Variants in TFB1M observed in about 807,000 individuals in gnomAD.
The protein encoded by TFB1M is transcription factor B1, mitochondrial, also known as dimethyladenosine transferase 1, mitochondrial.
Under a neutral mutation model 31.1 loss-of-function variants are expected in TFB1M, and 27 were observed. That is an observed-to-expected ratio of 0.87 (90% CI 0.64 to 1.20). TFB1M has a LOEUF of 1.20. Among genes scored for constraint, TFB1M ranks in the 50% most tolerant of loss-of-function variants. TFB1M has a pLI of 0.00. For synonymous variants in TFB1M, 166 were observed against 151.8 expected, an observed-to-expected ratio of 1.09 and a Z score of -0.69; for missense variants, 394 against 418.7, an observed-to-expected ratio of 0.94 and a Z score of 0.51.
intron 5 of TFB1M, among the ~76,000 whole-genome samples, chr6:155,265,727 TAA>T (rs1784601923): frequency 2.7e-5 from 4 of 145,684 alleles, no homozygotes; most frequent in Admixed American, 6.9e-5. Flanking sequence ...ATATATAATA[TAA>T]ATATATATTA....
intron 4 of TFB1M, among the ~76,000 whole-genome samples, chr6:155,289,573 T>C (rs1776810085): frequency 6.6e-6 from 1 of 152,218 alleles, no homozygotes; most frequent in Admixed American, 6.5e-5. Flanking sequence ...CCTGTAGTGC[T>C]AGAGACAGGA....
At chr6:155,277,204 T>C (rs1439395704) in intron 5 of TFB1M, among the ~76,000 whole-genome samples, 1 of 152,244 alleles carries the variant, frequency 6.6e-6, no homozygotes, top group Non-Finnish European at 1.5e-5. Context: ...TTTACTACCA[T>C]CCCACTTCCT....
In TFB1M at chr6:155,311,240, A is replaced by C; in HGVS notation, c.233T>G (p.Val78Gly). The change falls in exon 2 of 7, where the codon GTC becomes GGC. Residue 78 changes from valine to glycine, a missense_variant. By Grantham distance (109) the Val-to-Gly change is moderately radical. This residue lies in a region of TFB1M where 273 missense variants were observed against 256.4 expected (regional missense o/e 1.06). Coordinates refer to ENST00000367166, the MANE Select transcript of TFB1M (RefSeq NM_016020.4). Reference sequence around the variant, plus strand: ...CTTTTCAACCACCAGAAGTTCAGCGACGTCGGCATTAAGAATAGATCTTGT... The same window carrying C: ...CTTTTCAACCACCAGAAGTTCAGCGCCGTCGGCATTAAGAATAGATCTTGT... ...GITRSILNADVAELLVVEKDT... is the reference protein window; with the variant it reads ...GITRSILNADGAELLVVEKDT... 2 of 1,614,158 alleles carry C rather than the reference A, an allele frequency of 1.2e-6. No individual in the cohort carries two copies. The highest frequency in any genetic ancestry group is 1.7e-6 in the Non-Finnish European group (2 of 1,179,976).
intron 5 of TFB1M, among the ~76,000 whole-genome samples, chr6:155,280,149 A>G (rs1785427503): frequency 6.6e-6 from 1 of 152,196 alleles, no homozygotes; most frequent in Admixed American, 6.5e-5. Context: ...AACTTAGTTT[A>G]GAACTTCCAA....
rs1776577099 is a variant in TFB1M, at chr6:155,285,283, G to A, written c.547-6C>T. On this transcript the variant is annotated splice_region_variant and splice_polypyrimidine_tract_variant and intron_variant, in intron 4 of 6. Coordinates refer to ENST00000367166, the MANE Select transcript of TFB1M (RefSeq NM_016020.4). ...CCTGTATTGGCTGCAAGTCTCTAGAGAGAGACAAAAATGAATTTTAGCAAA... is the reference window on the plus strand; with the variant it reads ...CCTGTATTGGCTGCAAGTCTCTAGAAAGAGACAAAAATGAATTTTAGCAAA... 6.2e-7 allele frequency: 1 copy of A among 1,613,744 alleles called. No homozygotes were observed. The highest frequency in any genetic ancestry group is 1.3e-5 in the African/African-American group (1 of 75,052).
At chr6:155,271,571 T>G (rs1369086632) in intron 5 of TFB1M, among the ~76,000 whole-genome samples, 1 of 152,178 alleles carries the variant, frequency 6.6e-6, no homozygotes. Context: ...TTAAAAAACT[T>G]TCTTCTGAAT....
At chr6:155,260,491 G>A (rs1009807733) in intron 5 of TFB1M, 91 bp from the exon 6 acceptor site, 6 of 1,518,104 alleles carry the variant, frequency 4.0e-6, no homozygotes, top group East Asian at 2.3e-5. Flanking sequence ...AGGAGGATGG[G>A]CTGTCAACAG....
the TFB1M span, among the ~76,000 whole-genome samples, chr6:155,247,847 G>A: frequency 1.3e-5 from 2 of 152,176 alleles, no homozygotes; most frequent in Non-Finnish European, 2.9e-5. Context: ...GCTGACAGCT[G>A]GGTGCCTGAC....
intron 5 of TFB1M, among the ~76,000 whole-genome samples, chr6:155,268,986 T>TA (rs34268254): frequency 1.1e-3 from 141 of 128,394 alleles, no homozygotes; most frequent in Admixed American, 2.7e-3. Context: ...ATTAAAAAAT[T>TA]AAAAAAAAAA....
rs1583307480 is a variant in TFB1M, at chr6:155,261,055, G to A, written c.667-655C>T. ...AGCTGTGGAGATTCTTTAATTGTCAGAAGATAAAACTTTTCAGGCATATCT... is the reference window on the plus strand; with the variant it reads ...AGCTGTGGAGATTCTTTAATTGTCAAAAGATAAAACTTTTCAGGCATATCT... On this transcript the variant is annotated intron_variant, in intron 5 of 6. Coordinates refer to ENST00000367166, the MANE Select transcript of TFB1M (RefSeq NM_016020.4). The A allele has an allele frequency of 2.6e-5, 4 of 155,252 alleles. No individual in the cohort carries two copies. In the South Asian group the frequency reaches 7.9e-4, roughly 31 times the overall value. 9.6% of individuals were successfully genotyped at this position (155,252 alleles called of 1,614,324 possible).
At chr6:155,250,051 T>G in the TFB1M span, 1 of 1,002,324 alleles carries the variant, frequency 1.0e-6, no homozygotes, top group East Asian at 2.4e-5. Context: ...GCTGCCCTGT[T>G]AGGACTTTCC....
chr6:155,297,161 A>G, intron 3 of TFB1M, 57 bp from the exon 4 acceptor site: 2 of 1,564,224 alleles, frequency 1.3e-6, no homozygotes, highest in South Asian at 2.2e-5. Context: ...TCTGAATACA[A>G]TTTCAGTGAC....
At chr6:155,270,000 G>A (rs987488064) in intron 5 of TFB1M, among the ~76,000 whole-genome samples, 3 of 152,234 alleles carry the variant, frequency 2.0e-5, no homozygotes, top group Non-Finnish European at 4.4e-5. Context: ...TACCTCAGAG[G>A]TCTTGCGCTA....
intron 6 of TFB1M, among the ~76,000 whole-genome samples, chr6:155,259,140 C>T (rs142721698): frequency 0.012 from 1,859 of 152,326 alleles, 18 homozygotes; most frequent in South Asian, 0.028. Context: ...TCCCTCCTCC[C>T]CCATGAATCA....
chr6:155,248,331 C>T, the TFB1M span: 9 of 920,532 alleles, frequency 9.8e-6, no homozygotes, highest in African/African-American at 1.7e-5. Context: ...TTAGGTTTCA[C>T]GTGAATATGT....
At chr6:155,274,157 GC>G (rs1379005884) in intron 5 of TFB1M, among the ~76,000 whole-genome samples, 2 of 152,326 alleles carry the variant, frequency 1.3e-5, no homozygotes, top group African/African-American at 4.8e-5. Flanking sequence ...TGACTCAAGA[GC>G]CTGTATCACC....
chr6:155,311,413 C>A (rs1778013639), intron 1 of TFB1M, 74 bp from the exon 2 acceptor site: 1 of 1,340,168 alleles, frequency 7.5e-7, no homozygotes, highest in East Asian at 2.4e-5. Flanking sequence ...AGAGAAAAAT[C>A]TTCTATAAAA....
At chr6:155,244,734 T>C in the TFB1M span, 2 of 1,614,068 alleles carry the variant, frequency 1.2e-6, no homozygotes, top group East Asian at 4.5e-5. Context: ...GAGGATGGGA[T>C]TTCAGCATCA....
chr6:155,275,461 G>A (rs1785145563), intron 5 of TFB1M, among the ~76,000 whole-genome samples: 1 of 152,136 alleles, frequency 6.6e-6, no homozygotes, highest in Non-Finnish European at 1.5e-5. Context: ...TCAAGGCCTG[G>A]TGGGAGCTTT....
Sources: gnomAD v4.1 joint callset for allele counts (sites outside exome capture counted in the v4.1 genomes callset) on GRCh38, gnomAD v4.1.1 for gene constraint, gnomAD v4.1.1 regional missense constraint, MANE v1.5 for transcripts, NCBI Gene and HGNC (gene_info 2026-07-23, HGNC 2026-07-21) for gene names.